Variants in DZANK1 observed in about 807,000 individuals in gnomAD.
DZANK1 encodes double zinc ribbon and ankyrin repeat-containing protein 1.
DZANK1 carries 91 observed loss-of-function variants against 94.5 expected under a neutral mutation model. That is an observed-to-expected ratio of 0.96 (90% CI 0.81 to 1.15). The LOEUF is 1.15. Ranked by LOEUF, DZANK1 falls within the 50% of genes most tolerant of loss-of-function variation. The pLI is 0.00. For synonymous variants in DZANK1, 312 were observed against 325.3 expected, an observed-to-expected ratio of 0.96 and a Z score of 0.44; for missense variants, 903 against 916.4, an observed-to-expected ratio of 0.99 and a Z score of 0.19.
At chr20:18,421,265 C>A (rs41276432) in intron 10 of DZANK1, 4,235 of 173,572 alleles carry the variant, frequency 0.024, 83 homozygotes, top group African/African-American at 0.047. Context: ...CATCTACATC[C>A]CCCCCGTAAA....
chr20:18,384,908 G>T, intron 20 of DZANK1, 108 bp downstream of exon 20: 1 of 1,069,512 alleles, frequency 9.4e-7, no homozygotes, highest in Non-Finnish European at 1.4e-6. Flanking sequence ...TGGTCCCCAT[G>T]GACAGGGACA....
At chr20:18,388,666 C>CT (rs1206089335) in intron 19 of DZANK1, among the ~76,000 whole-genome samples, 3 of 152,140 alleles carry the variant, frequency 2.0e-5, no homozygotes, top group Admixed American at 1.3e-4. Flanking sequence ...ACAGTAAACT[C>CT]TAAGAAAACT....
At chr20:18,396,809 G>A (rs539156420) in intron 14 of DZANK1, among the ~76,000 whole-genome samples, 1 of 152,294 alleles carries the variant, frequency 6.6e-6, no homozygotes, top group Non-Finnish European at 1.5e-5. Context: ...CTGCCAAATT[G>A]AATAAAAAGG....
intron 13 of DZANK1, among the ~76,000 whole-genome samples, chr20:18,399,806 G>A (rs2056573202): frequency 6.6e-6 from 1 of 152,188 alleles, no homozygotes; most frequent in African/African-American, 2.4e-5. Flanking sequence ...GCAGCTGGCT[G>A]CTTTGGACAG....
At chr20:18,416,632 C>A (rs2057501672) in intron 10 of DZANK1, among the ~76,000 whole-genome samples, 1 of 152,138 alleles carries the variant, frequency 6.6e-6, no homozygotes, top group Non-Finnish European at 1.5e-5. Flanking sequence ...ACTCTATCTG[C>A]CCAGCTCTAT....
At position 18,430,216 on chromosome 20, in the gene DZANK1, A is replaced by G. The variant is rs140355583; in HGVS notation, c.862-3057T>C. 3.6e-3 allele frequency among the ~76,000 whole-genome samples: 541 copies of G among 152,320 alleles called. 1 individual carries two copies. Among genetic ancestry groups the G allele is most frequent in the Middle Eastern group, 6.8e-3 (2 of 294 alleles). On this transcript the variant is annotated intron_variant, in intron 9 of 20. Coordinates refer to ENST00000262547, the Ensembl canonical transcript of DZANK1. ...AAACTTAATCTCAAAACTGACTAAG[A>G]TAAAGTTCTGCTTGAGGTGGAGTTA...
intron 7 of DZANK1, among the ~76,000 whole-genome samples, chr20:18,448,273 G>A (rs1223421217): frequency 6.6e-6 from 1 of 152,198 alleles, no homozygotes; most frequent in East Asian, 1.9e-4. Context: ...CTGAGTGAAA[G>A]AAGTCCAGCA....
intron 17 of DZANK1, among the ~76,000 whole-genome samples, chr20:18,392,785 GAAACCAAACC>G (rs11473123): frequency 3.4e-4 from 51 of 151,252 alleles, no homozygotes; most frequent in East Asian, 3.1e-3. Context: ...ATCTGACAGG[GAAACCAAACC>G]AAACCAAACC....
chr20:18,410,148 A>G (rs969276533), intron 13 of DZANK1, among the ~76,000 whole-genome samples: 3 of 152,126 alleles, frequency 2.0e-5, no homozygotes, highest in Non-Finnish European at 2.9e-5. Flanking sequence ...GAAGGCTAAT[A>G]TAACAAAAGC....
At chr20:18,433,851 C>T (rs2058390990) in intron 8 of DZANK1, 86 bp from the exon 9 acceptor site, 9 of 1,185,508 alleles carry the variant, frequency 7.6e-6, no homozygotes, top group East Asian at 2.4e-5. Flanking sequence ...GGTCTACAGC[C>T]GTACCACCCT....
chr20:18,432,871 C>T (rs2058339674), intron 9 of DZANK1: 1 of 152,170 alleles, frequency 6.6e-6, no homozygotes, highest in Non-Finnish European at 1.5e-5. Flanking sequence ...AAAATGTTCA[C>T]AGTATGATAT....
chr20:18,407,255 G>A (rs963534339), intron 13 of DZANK1, among the ~76,000 whole-genome samples: 2 of 152,144 alleles, frequency 1.3e-5, no homozygotes, highest in Non-Finnish European at 2.9e-5. Context: ...AGGTGGCTCA[G>A]CACACAAAGA....
chr20:18,446,506 GA>G (rs1463529220), intron 7 of DZANK1, among the ~76,000 whole-genome samples: 1 of 152,098 alleles, frequency 6.6e-6, no homozygotes, highest in Admixed American at 6.6e-5. Flanking sequence ...GTATTCAGGG[GA>G]AATGTATAGT....
intron 19 of DZANK1, among the ~76,000 whole-genome samples, chr20:18,388,595 C>G (rs966902906): frequency 2.0e-5 from 3 of 152,164 alleles, no homozygotes; most frequent in African/African-American, 7.2e-5. Flanking sequence ...CAAAACAAGG[C>G]AGCACCATTT....
intron 10 of DZANK1, 101 bp from the exon 11 acceptor site, chr20:18,415,550 C>T (rs746983681): frequency 7.6e-5 from 94 of 1,238,734 alleles, no homozygotes; most frequent in East Asian, 4.3e-4. Context: ...AGATGAGCCC[C>T]GGAAATAGTG....
In DZANK1 at chr20:18,455,253, TGAA is replaced by T. The variant is rs753181613; in HGVS notation, c.369_371del (p.Ser124del). 2.5e-4 allele frequency: 401 copies of T among 1,600,662 alleles called. 1 individual carries two copies. The highest frequency in any genetic ancestry group is 2.0e-3 in the Admixed American group (117 of 58,234). On this transcript the variant is annotated inframe_deletion, in exon 4 of 21. Coordinates refer to ENST00000262547, the Ensembl canonical transcript of DZANK1. ...TTATAGTTTCATTACTTGCCTGCCT[TGAA>T]GAATCTTTGAGAACATTTTCAACAT...
intron 13 of DZANK1, among the ~76,000 whole-genome samples, chr20:18,408,184 C>T (rs1240273691): frequency 1.3e-5 from 2 of 152,118 alleles, no homozygotes; most frequent in Non-Finnish European, 2.9e-5. Flanking sequence ...GGCATAGTGG[C>T]TCACGCCCGC....
Position 18,453,067 on chromosome 20 carries a change from G to A in DZANK1, c.476-385C>T, listed in dbSNP as rs117650668. 3.5e-3 allele frequency among the ~76,000 whole-genome samples: 533 copies of A among 152,290 alleles called. 13 individuals carry two copies. The highest frequency in any genetic ancestry group is 0.031 in the Admixed American group (472 of 15,292). On this transcript the variant is annotated intron_variant, in intron 5 of 20. Coordinates refer to ENST00000262547, the Ensembl canonical transcript of DZANK1. ...AGAGCACACTGCAGCTGTAAATGTC[G>A]TTAGCAGCCCCCTCTTTGCATGCCT...
intron 6 of DZANK1, among the ~76,000 whole-genome samples, chr20:18,450,329 T>C (rs1396008710): frequency 6.6e-6 from 1 of 152,048 alleles, no homozygotes; most frequent in Non-Finnish European, 1.5e-5. Context: ...GGCAGGAGGA[T>C]TGCTTGAGGC....
Sources: gnomAD v4.1 joint callset for allele counts (sites outside exome capture counted in the v4.1 genomes callset) on GRCh38, gnomAD v4.1.1 for gene constraint, MANE v1.5 for transcripts, NCBI Gene and HGNC (gene_info 2026-07-23, HGNC 2026-07-21) for gene names.